The following LRRC8B variants were observed in gnomAD, a reference collection of about 807,000 sequenced individuals.
LRRC8B encodes volume-regulated anion channel subunit LRRC8B.
Under a neutral mutation model 58.8 loss-of-function variants are expected in LRRC8B, and 23 were observed. The ratio of observed to expected loss-of-function variants is 0.39; its 90% CI spans 0.28 to 0.55. The LOEUF (loss-of-function observed/expected upper bound fraction) is 0.55. Among genes scored for constraint, LRRC8B ranks in the 20% least tolerant of loss-of-function variants. LRRC8B has a pLI of 0.62. For missense variants in LRRC8B, 694 were observed against 936.0 expected (o/e 0.74, Z 3.37); for synonymous variants, 359 against 374.1 (o/e 0.96, Z 0.47).
At chr1:89,525,426 C>A (rs570618038) in intron 1 of LRRC8B, among the ~76,000 whole-genome samples, 2 of 152,210 alleles carry the variant, frequency 1.3e-5, no homozygotes, top group Non-Finnish European at 2.9e-5. Flanking sequence ...TCCAGATGAG[C>A]GCAACTCCCC....
In LRRC8B at chr1:89,535,467, G is replaced by A. The variant is rs542590759; in HGVS notation, c.-241+10445G>A. Among the ~76,000 whole-genome samples the A allele has an allele frequency of 1.5e-3, 235 of 152,298 alleles. 1 individual carries two copies. The highest frequency in any genetic ancestry group is 6.8e-3 in the Middle Eastern group (2 of 294). ...GAGGTGGAAGGATGCAGTGAGTTACGATAGCACCACTGCACTCCAGCGAAG... is the reference window on the plus strand; with the variant it reads ...GAGGTGGAAGGATGCAGTGAGTTACAATAGCACCACTGCACTCCAGCGAAG... On this transcript the variant is annotated intron_variant, in intron 1 of 5. Coordinates refer to ENST00000330947, the MANE Select transcript of LRRC8B (RefSeq NM_001369817.2).
At position 89,525,039 on chromosome 1, in the gene LRRC8B, C is replaced by A. The variant is rs1323349006; in HGVS notation, c.-241+17C>A. 6.6e-6 allele frequency: 1 copy of A among 152,346 alleles called. No individual in the cohort carries two copies. Among genetic ancestry groups the A allele is most frequent in the Non-Finnish European group, 1.5e-5 (1 of 68,148 alleles). 9.4% of individuals were successfully genotyped at this position (152,346 alleles called of 1,614,324 possible). Reference sequence around the variant, plus strand: ...GTCGCGCAGGTAGGTCGGAGCGTGACACCCCGGTTCCAGGAGGGCGAGCCG... The same window carrying A: ...GTCGCGCAGGTAGGTCGGAGCGTGAAACCCCGGTTCCAGGAGGGCGAGCCG... On this transcript the variant is annotated intron_variant, in intron 1 of 5. Transcript: ENST00000330947.
rs538050474 is a variant in LRRC8B at position 89,527,547 on chromosome 1, T to C, written c.-241+2525T>C. 9.8e-5 allele frequency among the ~76,000 whole-genome samples: 15 copies of C among 152,366 alleles called. No homozygotes were observed. The South Asian group carries it at 2.5e-3, about 25-fold the overall frequency. On this transcript the variant is annotated intron_variant, in intron 1 of 5. Transcript: ENST00000330947. Reference sequence around the variant, plus strand: ...AGGAATTTGGGAGACCCAGTTATAGTGTAGAATTTATTTAACCATTTGTAA... The same window carrying C: ...AGGAATTTGGGAGACCCAGTTATAGCGTAGAATTTATTTAACCATTTGTAA...
chr1:89,567,035 A>G (rs1349655888), intron 1 of LRRC8B, among the ~76,000 whole-genome samples: 2 of 152,192 alleles, frequency 1.3e-5, no homozygotes, highest in Non-Finnish European at 2.9e-5. Context: ...TTGAAGGGGT[A>G]GATTAGCTAG....
chr1:89,584,330 G>A lies in LRRC8B; in HGVS notation c.1680G>A (p.Leu560=). ...TCCCACAAGTTGTTACAGACCTCCT[G>A]CCTTCATTGCAGAAACTGTCCCTTG... ...SRIPQVVTDL[L]PSLQKLSLDN... is the part of the protein sequence containing the mutation. Residue 560 remains leucine (L), a synonymous_variant, in exon 5 of 6, where the codon CTG becomes CTA. Coordinates refer to ENST00000330947, the MANE Select transcript of LRRC8B (RefSeq NM_001369817.2). 6.2e-7 allele frequency: 1 copy of A among 1,614,154 alleles called. No homozygotes were observed. The highest frequency in any genetic ancestry group is 1.1e-5 in the South Asian group (1 of 91,080).
chr1:89,538,893 G>A lies in LRRC8B; in HGVS notation c.-241+13871G>A, dbSNP rs555757328. ...CCACCACCACACCCGGCTAATTTAC[G>A]TATTTTTTAATAGAGATGGGGTTTC... is the stretch of plus-strand genomic sequence containing the variant. On this transcript the variant is annotated intron_variant, in intron 1 of 5. Coordinates refer to ENST00000330947, the MANE Select transcript of LRRC8B (RefSeq NM_001369817.2). 3.9e-5 allele frequency among the ~76,000 whole-genome samples: 6 copies of A among 152,090 alleles called. No homozygotes were observed. The South Asian group carries it at 8.3e-4, about 21-fold the overall frequency.
chr1:89,539,600 A>C (rs9428044), intron 1 of LRRC8B, among the ~76,000 whole-genome samples: 43,615 of 152,146 alleles, frequency 0.29, 6,454 homozygotes, highest in South Asian at 0.35. Context: ...AGTGTAATAT[A>C]GAAATTAGGG....
At chr1:89,576,485 A>G (rs1653858295) in intron 3 of LRRC8B, among the ~76,000 whole-genome samples, 1 of 152,188 alleles carries the variant, frequency 6.6e-6, no homozygotes. Context: ...AAGAGGTTCT[A>G]AGGTGAAGCT....
chr1:89,567,832 A>G (rs925004689), intron 1 of LRRC8B, among the ~76,000 whole-genome samples: 9 of 152,168 alleles, frequency 5.9e-5, no homozygotes, highest in African/African-American at 1.9e-4. Flanking sequence ...ATGACTTCAT[A>G]AACTAGGACA....
At position 89,593,166 on chromosome 1, in the gene LRRC8B, G is replaced by A. The variant is rs904596299; in HGVS notation, c.*123G>A. The A allele has an allele frequency of 9.3e-6, 9 of 963,704 alleles. No homozygotes were observed. The highest frequency in any genetic ancestry group is 1.4e-5 in the Non-Finnish European group (9 of 646,240). 59.7% of individuals were successfully genotyped at this position (963,704 alleles called of 1,614,324 possible). The stretch of plus-strand genomic sequence containing the variant: ...AAGATGGGCGGATTGCTTGAGGTCA[G>A]GAGTTCGAGACCAGTCTGGCCAACC... On this transcript the variant is annotated 3_prime_UTR_variant, in exon 6 of 6. Transcript: ENST00000330947.
chr1:89,557,668 C>G (rs1294938240), intron 1 of LRRC8B, among the ~76,000 whole-genome samples: 1 of 152,236 alleles, frequency 6.6e-6, no homozygotes, highest in East Asian at 1.9e-4. Context: ...GCTTCTCACT[C>G]TCACTAGTGC....
chr1:89,556,366 G>A (rs1652190198), intron 1 of LRRC8B, among the ~76,000 whole-genome samples: 1 of 152,068 alleles, frequency 6.6e-6, no homozygotes, highest in Admixed American at 6.6e-5. Flanking sequence ...ATCAATAAAG[G>A]TAAGTAAAGT....
In LRRC8B at chr1:89,583,994, G is replaced by A. The variant is rs772393638; in HGVS notation, c.1344G>A (p.Glu448=). ...ELTEMEVLSL[E]LIPEVKLPSA... ...CTGAAATGGAAGTGCTAAGCCTGGA[G>A]CTTATCCCAGAGGTGAAGCTGCCCT... The change falls in exon 5 of 6, where the codon GAG becomes GAA. Residue 448 remains glutamate (E), a synonymous_variant. Transcript: ENST00000330947. This position sits in a 1 kb window ranked among gnomAD's most constrained non-coding sequence, Gnocchi z 5.2. 5.0e-6 allele frequency: 8 copies of A among 1,614,094 alleles called. No individual in the cohort carries two copies. Among genetic ancestry groups the A allele is most frequent in the Non-Finnish European group, 5.9e-6 (7 of 1,180,044 alleles).
At chr1:89,544,059 G>T (rs1328253214) in intron 1 of LRRC8B, among the ~76,000 whole-genome samples, 4 of 152,226 alleles carry the variant, frequency 2.6e-5, no homozygotes, top group Non-Finnish European at 5.9e-5. Context: ...GCCTCCCAAA[G>T]TGCTGAGATT....
In LRRC8B at chr1:89,536,391, A is replaced by T. The variant is rs142917890; in HGVS notation, c.-241+11369A>T. ...TATTATTTTAGAAAAATCTCTAAGG[A>T]TTGGGAAACTTGCCTTAAAGTGATA... is the stretch of plus-strand genomic sequence containing the variant. On this transcript the variant is annotated intron_variant, in intron 1 of 5. Coordinates refer to ENST00000330947, the MANE Select transcript of LRRC8B (RefSeq NM_001369817.2). 5.1e-3 allele frequency among the ~76,000 whole-genome samples: 783 copies of T among 152,304 alleles called. 8 individuals carry two copies. Among genetic ancestry groups the T allele is most frequent in the African/African-American group, 0.018 (736 of 41,564 alleles).
chr1:89,592,961 G>A lies in LRRC8B; in HGVS notation c.2330G>A (p.Cys777Tyr), dbSNP rs1334866524. Residue 777 changes from cysteine (C) to tyrosine (Y), a missense_variant, in exon 6 of 6, where the codon TGT (cysteine) becomes TAT (tyrosine). This residue lies in a region of LRRC8B where 139 missense variants were observed against 158.2 expected (regional missense o/e 0.88). Transcript: ENST00000330947. ...LEGCQSLKRN[C>Y]LIVEENLLNT... is the part of the protein sequence containing the mutation. Reference sequence around the variant, plus strand: ...GGATGTCAGTCCCTAAAACGGAACTGTCTGATTGTTGAGGAGAACTTGCTC... The same window carrying A: ...GGATGTCAGTCCCTAAAACGGAACTATCTGATTGTTGAGGAGAACTTGCTC... 1 of 1,614,158 alleles carries A rather than the reference G, an allele frequency of 6.2e-7. No homozygotes were observed. The highest frequency in any genetic ancestry group is 2.2e-5 in the East Asian group (1 of 44,882).
At chr1:89,544,742 G>GA (rs750785459) in intron 1 of LRRC8B, among the ~76,000 whole-genome samples, 1 of 152,154 alleles carries the variant, frequency 6.6e-6, no homozygotes, top group Non-Finnish European at 1.5e-5. Flanking sequence ...ACTGGAGGAA[G>GA]AAAAAACCTC....
intron 3 of LRRC8B, among the ~76,000 whole-genome samples, chr1:89,573,236 C>A (rs1653596716): frequency 6.6e-6 from 1 of 151,454 alleles, no homozygotes; most frequent in Admixed American, 6.6e-5. Flanking sequence ...GGAGGCGGAG[C>A]TTGCAGTGAA....
At chr1:89,533,313 C>T (rs1650278323) in intron 1 of LRRC8B, among the ~76,000 whole-genome samples, 1 of 152,222 alleles carries the variant, frequency 6.6e-6, no homozygotes. Flanking sequence ...TTCTGCAGCT[C>T]TTCAGCTTCA....
Sources: gnomAD v4.1 joint callset for allele counts (sites outside exome capture counted in the v4.1 genomes callset) on GRCh38, gnomAD v4.1.1 for gene constraint, gnomAD v4.1.1 regional missense constraint, Gnocchi (gnomAD v3.1) non-coding constraint, MANE v1.5 for transcripts, NCBI Gene and HGNC (gene_info 2026-07-23, HGNC 2026-07-21) for gene names.